Variants in MICAL2 observed in about 807,000 individuals in gnomAD.
MICAL2 encodes the protein microtubule associated monooxygenase, calponin and LIM domain containing 2, also known as [F-actin]-monooxygenase MICAL2.
A neutral mutation model predicts 127.3 loss-of-function variants in MICAL2; 77 were observed. The ratio of observed to expected loss-of-function variants is 0.60; its 90% CI spans 0.50 to 0.73. The LOEUF (loss-of-function observed/expected upper bound fraction) is 0.73, where lower values mean the gene tolerates loss of function less well. Among genes scored for constraint, MICAL2 ranks in the 30% least tolerant of loss-of-function variants. The probability of loss-of-function intolerance (pLI) is 0.00; values close to 1 mark genes in which losing one functional copy is unlikely to be tolerated. For synonymous variants in MICAL2, 570 were observed against 551.1 expected, an observed-to-expected ratio of 1.03 and a Z score of -0.48; for missense variants, 1,351 against 1,434.4, an observed-to-expected ratio of 0.94 and a Z score of 0.94.
intron 3 of MICAL2, among the ~76,000 whole-genome samples, chr11:12,174,351 C>T (rs1856600328): frequency 6.6e-6 from 1 of 151,158 alleles, no homozygotes; most frequent in Non-Finnish European, 1.5e-5. Context: ...CTCCCCTCTC[C>T]TCCCCACCCC....
chr11:12,147,974 T>C (rs1853128661), intron 2 of MICAL2, among the ~76,000 whole-genome samples: 1 of 152,172 alleles, frequency 6.6e-6, no homozygotes, highest in Admixed American at 6.5e-5. Context: ...AGACTCTGAG[T>C]TAGACGAACA....
At chr11:12,297,489 AT>A (rs1864000260) in intron 29 of MICAL2, among the ~76,000 whole-genome samples, 2 of 152,064 alleles carry the variant, frequency 1.3e-5, no homozygotes, top group Non-Finnish European at 1.5e-5. Flanking sequence ...GCTTGACTTT[AT>A]TTACAGTGGC....
chr11:12,120,906 A>T (rs1473144920), intron 1 of MICAL2, among the ~76,000 whole-genome samples: 3 of 152,202 alleles, frequency 2.0e-5, no homozygotes, highest in Non-Finnish European at 4.4e-5. Context: ...ACTGCCAGAC[A>T]GCTGCCATTC....
chr11:12,260,288 C>G, intron 26 of MICAL2: 1 of 1,427,356 alleles, frequency 7.0e-7, no homozygotes, highest in South Asian at 1.5e-5. Context: ...GCAATTAGCT[C>G]AAAGCCAAAG....
At chr11:12,172,477 C>T (rs566961343) in intron 3 of MICAL2, among the ~76,000 whole-genome samples, 14 of 152,242 alleles carry the variant, frequency 9.2e-5, no homozygotes, top group African/African-American at 3.4e-4. Flanking sequence ...TCTGCAGGTT[C>T]AAGCAATTAG....
Position 12,222,725 on chromosome 11 carries a change from C to T in MICAL2, c.1431C>T (p.His477=). The T allele has an allele frequency of 6.2e-7, 1 of 1,614,208 alleles. No individual in the cohort carries two copies. The highest frequency in any genetic ancestry group is 8.5e-7 in the Non-Finnish European group (1 of 1,180,030). The stretch of plus-strand genomic sequence containing the variant: ...CACGGTACCCAAACCTCAACTCACA[C>T]TGTGTCAGGCCCCATCAGGCAAGTC... The part of the protein sequence containing the change: ...PGTRYPNLNS[H]CVRPHQVKHL... The change falls in exon 11 of 28, where the codon CAC becomes CAT. Residue 477 remains histidine (H), a synonymous_variant. Transcript: ENST00000683283.
intron 3 of MICAL2, among the ~76,000 whole-genome samples, chr11:12,184,227 A>G (rs1227998972): frequency 2.0e-5 from 3 of 152,262 alleles, no homozygotes; most frequent in Non-Finnish European, 4.4e-5. Context: ...TGGCCGGCAT[A>G]GAGGAAGATG....
intron 30 of MICAL2, among the ~76,000 whole-genome samples, chr11:12,320,464 C>A (rs754659144): frequency 2.6e-5 from 4 of 152,050 alleles, no homozygotes; most frequent in Non-Finnish European, 4.4e-5. Flanking sequence ...ATCCCATAAC[C>A]AAAGCCCATC....
chr11:12,259,931 G>A (rs373182202), intron 26 of MICAL2, 34 bp downstream of exon 26: 44 of 1,608,724 alleles, frequency 2.7e-5, no homozygotes, highest in East Asian at 2.7e-4. Context: ...AAGGTGCTGG[G>A]CTGGCCCCTC....
At chr11:12,134,370 C>T (rs950792661) in intron 1 of MICAL2, among the ~76,000 whole-genome samples, 1 of 152,118 alleles carries the variant, frequency 6.6e-6, no homozygotes, top group South Asian at 2.1e-4. Flanking sequence ...TCTTCTTCCC[C>T]TCTCATAATG....
At chr11:12,184,016 G>T (rs1307122633) in intron 3 of MICAL2, among the ~76,000 whole-genome samples, 1 of 152,192 alleles carries the variant, frequency 6.6e-6, no homozygotes, top group Non-Finnish European at 1.5e-5. Flanking sequence ...CTGAGCTCAA[G>T]TGATCCACTC....
chr11:12,284,969 G>A (rs1371077904), intron 2 of MICAL2, among the ~76,000 whole-genome samples: 1 of 152,196 alleles, frequency 6.6e-6, no homozygotes, highest in African/African-American at 2.4e-5. Flanking sequence ...GGGGAATTGC[G>A]ATAGAAAAAG....
At chr11:12,125,002 A>C (rs1211737413) in intron 1 of MICAL2, among the ~76,000 whole-genome samples, 9 of 152,236 alleles carry the variant, frequency 5.9e-5, no homozygotes, top group Admixed American at 5.9e-4. Context: ...TTCTATGGAC[A>C]CATCCTCTCT....
chr11:12,148,884 C>T (rs1191464768), intron 2 of MICAL2, among the ~76,000 whole-genome samples: 3 of 152,186 alleles, frequency 2.0e-5, no homozygotes, highest in African/African-American at 7.2e-5. Flanking sequence ...AGCCAGGCGT[C>T]ACTGTGTTTC....
chr11:12,135,115 A>G (rs1203672130), intron 1 of MICAL2, among the ~76,000 whole-genome samples: 1 of 152,162 alleles, frequency 6.6e-6, no homozygotes, highest in Non-Finnish European at 1.5e-5. Flanking sequence ...AGGAGAAAAG[A>G]TACTCCCATG....
chr11:12,224,573 C>T lies in MICAL2; in HGVS notation c.1541-100C>T, dbSNP rs1457743226. On this transcript the variant is annotated intron_variant, in intron 12 of 27. Transcript: ENST00000683283. ...CCTGGCCCCTTGCCTTGGGGCCGCT[C>T]GTCCTGGTCCCCAGCCATGGTGGCA... The T allele has an allele frequency of 1.1e-5, 17 of 1,499,918 alleles. No individual in the cohort carries two copies. The South Asian group carries it at 1.4e-4, about 12-fold the overall frequency. 92.9% of individuals were successfully genotyped at this position (1,499,918 alleles called of 1,614,324 possible).
Position 12,344,924 on chromosome 11 carries a change from G to A in MICAL2, c.5516-4914G>A, listed in dbSNP as rs1428556891. 6.8e-5 allele frequency among the ~76,000 whole-genome samples: 10 copies of A among 147,228 alleles called. No homozygotes were observed. The East Asian group carries it at 8.0e-4, about 12-fold the overall frequency. ...ATATGGAGACCATCATGGCTAACACGGTGAAACCCCGTCTGTACTAAAAAA... is the reference window on the plus strand; with the variant it reads ...ATATGGAGACCATCATGGCTAACACAGTGAAACCCCGTCTGTACTAAAAAA... On this transcript the variant is annotated intron_variant, in intron 32 of 34. Coordinates refer to the MICAL2 transcript ENST00000646065.
chr11:12,209,266 C>A (rs1472675571), intron 5 of MICAL2, among the ~76,000 whole-genome samples: 2 of 152,150 alleles, frequency 1.3e-5, no homozygotes, highest in Non-Finnish European at 2.9e-5. Context: ...CAAAACCAGG[C>A]ATGGAGTTGG....
intron 1 of MICAL2, among the ~76,000 whole-genome samples, chr11:12,122,786 C>T (rs997219381): frequency 3.3e-5 from 5 of 152,296 alleles, no homozygotes; most frequent in African/African-American, 1.2e-4. Flanking sequence ...GGCCACCTTT[C>T]GCTTCCTGGT....
Sources: gnomAD v4.1 joint callset for allele counts (sites outside exome capture counted in the v4.1 genomes callset) on GRCh38, gnomAD v4.1.1 for gene constraint, MANE v1.5 for transcripts, NCBI Gene and HGNC (gene_info 2026-07-23, HGNC 2026-07-21) for gene names.